MALRD1: variants seen among roughly 807,000 people sequenced by gnomAD.
MALRD1 encodes the protein MAM and LDL receptor class A domain containing 1.
MALRD1 carries 247 observed loss-of-function variants against 242.1 expected under a neutral mutation model. That is an observed-to-expected ratio of 1.02 (90% CI 0.92 to 1.13). MALRD1 has a LOEUF of 1.13. Among genes scored for constraint, MALRD1 ranks in the 50% most tolerant of loss-of-function variants. The pLI is 0.00. For missense variants in MALRD1, 2,989 were observed against 2,533.1 expected (o/e 1.18, Z -3.86); for synonymous variants, 995 against 866.6 (o/e 1.15, Z -2.60).
chr10:19,203,469 T>C (rs1246976743), intron 14 of MALRD1, among the ~76,000 whole-genome samples: 2 of 152,228 alleles, frequency 1.3e-5, no homozygotes, highest in Non-Finnish European at 2.9e-5. Context: ...TCAGGCTGAA[T>C]GATGCTGTTT....
chr10:19,138,675 C>A (rs1328806961), intron 10 of MALRD1, among the ~76,000 whole-genome samples: 2 of 152,178 alleles, frequency 1.3e-5, no homozygotes, highest in African/African-American at 4.8e-5. Context: ...CTGCCTCAGC[C>A]TCCCAAAGTG....
intron 28 of MALRD1, among the ~76,000 whole-genome samples, chr10:19,437,510 T>C (rs74486613): frequency 0.059 from 8,947 of 152,018 alleles, 849 homozygotes; most frequent in African/African-American, 0.2. Context: ...TTTATTATTA[T>C]TATTATTTTT....
intron 13 of MALRD1, among the ~76,000 whole-genome samples, chr10:19,172,578 T>G (rs1457151032): frequency 6.6e-6 from 1 of 151,596 alleles, no homozygotes; most frequent in Non-Finnish European, 1.5e-5. Flanking sequence ...AGGATTTTAC[T>G]TCACCTCATC....
chr10:19,225,805 A>T (rs947986493), intron 18 of MALRD1, among the ~76,000 whole-genome samples: 8 of 152,164 alleles, frequency 5.3e-5, no homozygotes, highest in Admixed American at 4.6e-4. Flanking sequence ...GTACTTAACT[A>T]CTTGTTTTGA....
rs1417522100 is a variant in MALRD1, at chr10:19,403,143, C to G, written c.4845+13534C>G. Among the ~76,000 whole-genome samples the G allele has an allele frequency of 2.0e-5, 3 of 151,916 alleles. No homozygotes were observed. The East Asian group carries it at 5.8e-4, about 29-fold the overall frequency. ...CTGATGATGGAATTATCTATGCAGTCTAAAAAGAATTTATGTTTTCCAAAA... is the reference window on the plus strand; with the variant it reads ...CTGATGATGGAATTATCTATGCAGTGTAAAAAGAATTTATGTTTTCCAAAA... On this transcript the variant is annotated intron_variant, in intron 28 of 39. Transcript: ENST00000454679.
chr10:19,302,759 T>C (rs1433863404), intron 21 of MALRD1, among the ~76,000 whole-genome samples: 1 of 151,774 alleles, frequency 6.6e-6, no homozygotes, highest in Non-Finnish European at 1.5e-5. Flanking sequence ...CTTTATGGTA[T>C]GTGAATTACA....
At chr10:19,315,585 T>TATACAAAAA (rs1187248291) in intron 21 of MALRD1, among the ~76,000 whole-genome samples, 3 of 58,252 alleles carry the variant, frequency 5.2e-5, no homozygotes, top group Non-Finnish European at 8.5e-5. Context: ...AAATTATAAA[T>TATACAAAAA]TATAAATATT....
intron 36 of MALRD1, among the ~76,000 whole-genome samples, chr10:19,634,339 A>C (rs1564502769): frequency 6.6e-6 from 1 of 152,156 alleles, no homozygotes; most frequent in Non-Finnish European, 1.5e-5. Context: ...CTGGAGGGGA[A>C]GAAATGCTGC....
chr10:19,073,400 A>G (rs902932086), intron 2 of MALRD1, among the ~76,000 whole-genome samples: 1 of 152,140 alleles, frequency 6.6e-6, no homozygotes, highest in African/African-American at 2.4e-5. Flanking sequence ...TTAAGATAAT[A>G]AAGACTGCAG....
chr10:19,733,471 A>G (rs1167778297), intron 39 of MALRD1, among the ~76,000 whole-genome samples: 1 of 152,158 alleles, frequency 6.6e-6, no homozygotes, highest in Admixed American at 6.5e-5. Flanking sequence ...TCAAACATTC[A>G]GTATTCATCC....
rs914550715 is a variant in MALRD1, at chr10:19,209,658, T to C, written c.2969T>C (p.Ile990Thr). Residue 990 changes from isoleucine (I) to threonine (T), a missense_variant, in exon 18 of 40, where the codon ATT becomes ACT. Transcript: ENST00000454679. Reference protein sequence around the residue: ...GNRWIRKHLNISSRQPFQILV... With the variant: ...GNRWIRKHLNTSSRQPFQILV... Reference sequence around the variant, plus strand: ...AGATGGATTAGGAAACACCTCAACATTTCCAGCAGGCAGCCCTTTCAGGTA... The same window carrying C: ...AGATGGATTAGGAAACACCTCAACACTTCCAGCAGGCAGCCCTTTCAGGTA... 8 of 1,549,248 alleles carry C rather than the reference T, an allele frequency of 5.2e-6. No homozygotes were observed. The African/African-American group carries it at 9.6e-5, about 19-fold the overall frequency.
At chr10:19,389,385 A>G in intron 27 of MALRD1, 67 bp from the exon 28 acceptor site, 1 of 1,481,058 alleles carries the variant, frequency 6.8e-7, no homozygotes, top group Non-Finnish European at 9.2e-7. Flanking sequence ...CCTAACTATG[A>G]TGGAAATGCA....
chr10:19,494,137 G>A (rs1837614329), intron 30 of MALRD1, among the ~76,000 whole-genome samples: 1 of 152,116 alleles, frequency 6.6e-6, no homozygotes, highest in Non-Finnish European at 1.5e-5. Context: ...GCCACATGCT[G>A]GCTGGATTAC....
intron 19 of MALRD1, among the ~76,000 whole-genome samples, chr10:19,261,059 T>A (rs1234350386): frequency 6.6e-6 from 1 of 152,066 alleles, no homozygotes; most frequent in Non-Finnish European, 1.5e-5. Flanking sequence ...TTAGAGAGAA[T>A]CACTGTGACC....
At chr10:19,341,118 A>C (rs933946024) in intron 24 of MALRD1, among the ~76,000 whole-genome samples, 2 of 151,972 alleles carry the variant, frequency 1.3e-5, no homozygotes, top group Non-Finnish European at 2.9e-5. Flanking sequence ...TTTGTGTTTT[A>C]TTTTGTATAT....
Position 19,530,365 on chromosome 10 carries a change from A to AAATATATAAATATAT in MALRD1, c.5321-824_5321-823insATAAATATATAATAT, listed in dbSNP as rs1554793420. On this transcript the variant is annotated intron_variant, in intron 31 of 39. Coordinates refer to ENST00000454679, the MANE Select transcript of MALRD1 (RefSeq NM_001142308.3). ...TTATATAAATATATAATATTTATATAAATATTTATATAAATATTATATATT... is the reference window on the plus strand; with the variant it reads ...TTATATAAATATATAATATTTATATAAATATATAAATATATAATATTTATATAAATATTATATATT... 3.8e-5 allele frequency among the ~76,000 whole-genome samples: 4 copies of AAATATATAAATATAT among 105,088 alleles called. 1 individual carries two copies. Among genetic ancestry groups the AAATATATAAATATAT allele is most frequent in the African/African-American group, 1.3e-4 (2 of 15,732 alleles). The allele number at this position is 105,088 out of a possible 152,430, so 68.9% of individuals were successfully genotyped here. A position where few individuals can be genotyped will look rare whatever the true frequency, so the allele number is the denominator to read the frequency against.
chr10:19,524,771 T>C (rs1281001061), intron 31 of MALRD1, among the ~76,000 whole-genome samples: 12 of 152,192 alleles, frequency 7.9e-5, no homozygotes. Context: ...AAGCAGGGAT[T>C]GAATTCAGAT....
intron 2 of MALRD1, among the ~76,000 whole-genome samples, chr10:19,078,104 A>T (rs1484992756): frequency 6.6e-6 from 1 of 151,792 alleles, no homozygotes; most frequent in African/African-American, 2.4e-5. Flanking sequence ...TATTATCATT[A>T]GGATTTAAAT....
Position 19,136,689 on chromosome 10 carries a change from C to T in MALRD1, c.1319C>T (p.Pro440Leu). ...AAGCTTTGCTCTGCAGACGAATTCC[C>T]TTGCACTAGTGGCCAGTGCATCGCC... Reference protein sequence around the residue: ...SRKLCSADEFPCTSGQCIAKE... With the variant: ...SRKLCSADEFLCTSGQCIAKE... The change falls in exon 10 of 40, where the codon CCT (proline) becomes CTT (leucine). Residue 440 changes from proline to leucine, a missense_variant. Physicochemically the swap from Pro to Leu is moderately conservative, Grantham distance 98. Coordinates refer to ENST00000454679, the MANE Select transcript of MALRD1 (RefSeq NM_001142308.3). 1 of 1,231,696 alleles carries T rather than the reference C, an allele frequency of 8.1e-7. No homozygotes were observed. The highest frequency in any genetic ancestry group is 1.0e-6 in the Non-Finnish European group (1 of 987,944). 76.3% of individuals were successfully genotyped at this position (1,231,696 alleles called of 1,614,324 possible).
Sources: gnomAD v4.1 joint callset for allele counts (sites outside exome capture counted in the v4.1 genomes callset) on GRCh38, gnomAD v4.1.1 for gene constraint, MANE v1.5 for transcripts, NCBI Gene and HGNC (gene_info 2026-07-23, HGNC 2026-07-21) for gene names.